CLIC5: variants seen among roughly 807,000 people sequenced by gnomAD.
CLIC5 encodes CLIC family member 5.
A neutral mutation model predicts 24.7 loss-of-function variants in CLIC5; 20 were observed. The ratio of observed to expected loss-of-function variants is 0.81; its 90% CI spans 0.57 to 1.18. The LOEUF (loss-of-function observed/expected upper bound fraction) is 1.18, where lower values mean the gene tolerates loss of function less well. Among genes scored for constraint, CLIC5 ranks in the 50% most tolerant of loss-of-function variants. CLIC5 has a pLI of 0.00. For missense variants in CLIC5, 341 were observed against 326.1 expected (o/e 1.05, Z -0.35); for synonymous variants, 159 against 135.6 (o/e 1.17, Z -1.20).
chr6:46,084,791 T>G (rs2127480909), upstream of CLIC5, among the ~76,000 whole-genome samples: 1 of 152,348 alleles, frequency 6.6e-6, no homozygotes, highest in South Asian at 2.1e-4. Flanking sequence ...TGTGACGTTC[T>G]CTGTATTTCC....
intron 1 of CLIC5, among the ~76,000 whole-genome samples, chr6:45,992,591 T>TA (rs1247525123): frequency 2.0e-5 from 3 of 152,166 alleles, no homozygotes; most frequent in African/African-American, 7.2e-5. Context: ...TACATATGCA[T>TA]CATATGCATG....
intron 6 of CLIC5, among the ~76,000 whole-genome samples, chr6:45,883,012 A>G (rs1176403842): frequency 2.6e-5 from 4 of 152,226 alleles, no homozygotes; most frequent in Admixed American, 6.5e-5. Context: ...AAAGTGGTGG[A>G]GCAGATCAAG....
intron 4 of CLIC5, among the ~76,000 whole-genome samples, chr6:45,940,968 C>T (rs1051642366): frequency 3.3e-5 from 5 of 152,232 alleles, no homozygotes; most frequent in African/African-American, 1.2e-4. Context: ...GTCCTGAATT[C>T]TGTAGCCAAT....
rs983231360 is a variant in CLIC5 at position 46,074,259 on chromosome 6, G to T, written c.540+5444C>A. ...GGTTAGATAAAAGTTCAATAGAAAT[G>T]TTGCTTATTATTTTTCATTCTAATT... is the stretch of plus-strand genomic sequence containing the variant. On this transcript the variant is annotated intron_variant, in intron 1 of 5. Transcript: ENST00000185206. Among the ~76,000 whole-genome samples the T allele has an allele frequency of 5.3e-5, 8 of 152,048 alleles. No individual in the cohort carries two copies. The East Asian group carries it at 1.5e-3, about 29-fold the overall frequency.
intron 1 of CLIC5, among the ~76,000 whole-genome samples, chr6:45,975,475 T>G (rs1475541296): frequency 1.3e-5 from 2 of 152,154 alleles, no homozygotes; most frequent in Non-Finnish European, 2.9e-5. Flanking sequence ...TGGCCAACAG[T>G]GACTGTCCAA....
intron 4 of CLIC5, among the ~76,000 whole-genome samples, chr6:45,922,823 A>AAGAGAGAGAGAGAGAGAGAGAGAGAG (rs547902327): frequency 2.7e-4 from 38 of 140,676 alleles, no homozygotes; most frequent in East Asian, 6.4e-4. Flanking sequence ...GAGAGAGAGA[A>AAGAGAGAGAGAGAGAGAGAGAGAGAG]AGAGAGAGAG....
chr6:45,895,324 G>A (rs1419159646), downstream of CLIC5, among the ~76,000 whole-genome samples: 1 of 152,076 alleles, frequency 6.6e-6, no homozygotes, highest in Non-Finnish European at 1.5e-5. Context: ...GGCTAATTTG[G>A]ACAACTGACT....
downstream of CLIC5, among the ~76,000 whole-genome samples, chr6:45,895,757 A>T (rs1190392394): frequency 2.0e-5 from 3 of 152,234 alleles, no homozygotes; most frequent in African/African-American, 7.2e-5. Flanking sequence ...GGGTGGTAAC[A>T]GTGACTAACA....
At chr6:45,951,878 T>A (rs1412037152) in intron 2 of CLIC5, among the ~76,000 whole-genome samples, 4 of 152,016 alleles carry the variant, frequency 2.6e-5, no homozygotes, top group Non-Finnish European at 5.9e-5. Flanking sequence ...TACTCCCATG[T>A]CCCTCCCCAA....
At chr6:45,958,049 C>T (rs921805179) in intron 1 of CLIC5, among the ~76,000 whole-genome samples, 1 of 151,934 alleles carries the variant, frequency 6.6e-6, no homozygotes, top group Non-Finnish European at 1.5e-5. Flanking sequence ...GTGCATGGGA[C>T]CTTATTGGGA....
the CLIC5 span, among the ~76,000 whole-genome samples, chr6:46,103,229 C>T: frequency 6.6e-6 from 1 of 152,224 alleles, no homozygotes; most frequent in Admixed American, 6.5e-5. Context: ...TATATATAAC[C>T]TTTCCTGTAG....
intron 1 of CLIC5, among the ~76,000 whole-genome samples, chr6:46,061,735 A>C (rs1762289306): frequency 6.6e-6 from 1 of 152,210 alleles, no homozygotes; most frequent in South Asian, 2.1e-4. Flanking sequence ...CCTAATAGTT[A>C]TCATTTCAAA....
At position 45,902,812 on chromosome 6, in the gene CLIC5, C is replaced by A; in HGVS notation, c.*276G>T. The A allele has an allele frequency of 2.1e-6, 1 of 469,352 alleles. No individual in the cohort carries two copies. Among genetic ancestry groups the A allele is most frequent in the Non-Finnish European group, 3.8e-6 (1 of 262,528 alleles). 29.1% of individuals were successfully genotyped at this position (469,352 alleles called of 1,614,324 possible). ...GCAATCCCATATGTGGGCTCTCCAACACTGACTGACCCCAAACATGCTGAG... is the reference window on the plus strand; with the variant it reads ...GCAATCCCATATGTGGGCTCTCCAAAACTGACTGACCCCAAACATGCTGAG... On this transcript the variant is annotated 3_prime_UTR_variant, in exon 6 of 6. Coordinates refer to ENST00000339561, the MANE Select transcript of CLIC5 (RefSeq NM_016929.5).
At chr6:46,128,725 TTCTAG>T in the CLIC5 span, among the ~76,000 whole-genome samples, 11 of 152,150 alleles carry the variant, frequency 7.2e-5, no homozygotes, top group African/African-American at 2.7e-4. Context: ...TCAAACCAGG[TTCTAG>T]GGTCTGCAGG....
At chr6:46,007,932 G>A (rs554654942) in intron 1 of CLIC5, among the ~76,000 whole-genome samples, 31 of 116,004 alleles carry the variant, frequency 2.7e-4, no homozygotes, top group African/African-American at 8.8e-4. Context: ...TTTTTTTCCC[G>A]ATTTTCATTT....
At chr6:46,018,195 AT>A (rs1238556056), upstream of CLIC5, among the ~76,000 whole-genome samples, 4 of 152,228 alleles carry the variant, frequency 2.6e-5, no homozygotes, top group African/African-American at 7.2e-5. Flanking sequence ...AGCAAATAAA[AT>A]TATATGCATA....
intron 1 of CLIC5, among the ~76,000 whole-genome samples, chr6:45,995,941 A>AACAC (rs950018355): frequency 6.6e-6 from 1 of 151,958 alleles, no homozygotes; most frequent in African/African-American, 2.4e-5. Context: ...GAAGTGGAAC[A>AACAC]ACACACACAC....
At chr6:46,066,853 G>A (rs1476844520) in intron 1 of CLIC5, among the ~76,000 whole-genome samples, 1 of 152,258 alleles carries the variant, frequency 6.6e-6, no homozygotes. Context: ...TGAAGGAGAG[G>A]AGAAGGTGTT....
chr6:45,894,613 C>G (rs1385815159), downstream of CLIC5, among the ~76,000 whole-genome samples: 2 of 152,056 alleles, frequency 1.3e-5, no homozygotes, highest in Admixed American at 6.5e-5. Flanking sequence ...AACTTATTGA[C>G]CAAGAAAAGC....
Sources: gnomAD v4.1 joint callset for allele counts (sites outside exome capture counted in the v4.1 genomes callset) on GRCh38, gnomAD v4.1.1 for gene constraint, MANE v1.5 for transcripts, NCBI Gene and HGNC (gene_info 2026-07-23, HGNC 2026-07-21) for gene names.